The following KDM5A variants were observed in gnomAD, a reference collection of about 807,000 sequenced individuals.
KDM5A encodes lysine demethylase 5A, also known as lysine-specific demethylase 5A.
Under a neutral mutation model 193.5 loss-of-function variants are expected in KDM5A, and 42 were observed. The observed-to-expected ratio is 0.22, with a 90% confidence interval of 0.17 to 0.28. The LOEUF (loss-of-function observed/expected upper bound fraction) is 0.28. Ranked by LOEUF, KDM5A falls within the 10% of genes least tolerant of loss-of-function variation. The probability of loss-of-function intolerance (pLI) is 1.00; values close to 1 mark genes in which losing one functional copy is unlikely to be tolerated. For missense variants in KDM5A, 1,692 were observed against 2,055.1 expected (o/e 0.82, Z 3.42); for synonymous variants, 796 against 718.1 (o/e 1.11, Z -1.73).
intron 1 of KDM5A, 51 bp downstream of exon 1, chr12:388,876 C>G (rs1267696507): frequency 6.3e-7 from 1 of 1,582,158 alleles, no homozygotes; most frequent in Non-Finnish European, 8.7e-7. Context: ...ACCCAGTGTA[C>G]GGACTCCCCC....
intron 3 of KDM5A, among the ~76,000 whole-genome samples, chr12:382,878 GC>G (rs768564563): frequency 4.6e-5 from 7 of 152,026 alleles, no homozygotes; most frequent in Non-Finnish European, 1.0e-4. Context: ...GTTGCAGTGA[GC>G]CAAGATCAGG....
chr12:314,541 G>C (rs544357058), intron 19 of KDM5A, among the ~76,000 whole-genome samples: 1 of 152,288 alleles, frequency 6.6e-6, no homozygotes, highest in East Asian at 1.9e-4. Flanking sequence ...AGGAGTTTAT[G>C]ATGCTCTGTG....
At chr12:322,358 G>T in intron 17 of KDM5A, 59 bp downstream of exon 17, 1 of 1,548,754 alleles carries the variant, frequency 6.5e-7, no homozygotes, top group South Asian at 1.1e-5. Context: ...ATAAAATTTT[G>T]GTTTTTACTC....
In KDM5A at chr12:307,326, G is replaced by T; in HGVS notation, c.3930+128C>A. 9.1e-7 allele frequency: 1 copy of T among 1,094,080 alleles called. No homozygotes were observed. The allele number at this position is 1,094,080 out of a possible 1,614,324, so 67.8% of individuals were successfully genotyped here. A position where few individuals can be genotyped will look rare whatever the true frequency, so the allele number is the denominator to read the frequency against. ...AAGTGCTATAGTGTATGTTGAAGGA[G>T]AATGCAATGGATAATTGCTGACAAG... On this transcript the variant is annotated intron_variant, in intron 23 of 27. Transcript: ENST00000399788. The surrounding 1 kb of genome is among the most constrained non-coding windows in gnomAD (Gnocchi z 4.3).
At chr12:323,397 G>C (rs916773761) in intron 15 of KDM5A, among the ~76,000 whole-genome samples, 191 bp from the exon 16 acceptor site, 2 of 152,094 alleles carry the variant, frequency 1.3e-5, no homozygotes, top group Non-Finnish European at 2.9e-5. Context: ...AGGGAGACAA[G>C]GAACATGTGA....
chr12:313,064 C>T lies in KDM5A; in HGVS notation c.3028G>A (p.Ala1010Thr), dbSNP rs2137396979. 1 of 1,614,168 alleles carries T rather than the reference C, an allele frequency of 6.2e-7. No homozygotes were observed. The highest frequency in any genetic ancestry group is 8.5e-7 in the Non-Finnish European group (1 of 1,179,988). ...KAREWTAKVE[A>T]IQSGSNYAYL... The stretch of plus-strand genomic sequence containing the variant: ...TCCAAAAGTCTTCTTACCTGAATAG[C>T]TTCCACTTTAGCGGTCCATTCTCGA... Residue 1010 changes from alanine to threonine, a missense_variant, in exon 20 of 28, where the codon GCT becomes ACT. Physicochemically the swap from Ala to Thr is moderately conservative, Grantham distance 58. Around this residue, in one of 11 missense-constraint regions of KDM5A, gnomAD observed 965 missense variants for 1,061.0 expected, o/e 0.91. Coordinates refer to ENST00000399788, the MANE Select transcript of KDM5A (RefSeq NM_001042603.3).
rs575892199 is a variant in KDM5A, at chr12:342,725, G to A, written c.1308+7896C>T. On this transcript the variant is annotated intron_variant, in intron 10 of 27. Coordinates refer to ENST00000399788, the MANE Select transcript of KDM5A (RefSeq NM_001042603.3). ...GATTCACCTGCCTCGGCCTCCCAAAGGGCTCGAATTACAGGCATGGGCCAC... is the reference window on the plus strand; with the variant it reads ...GATTCACCTGCCTCGGCCTCCCAAAAGGCTCGAATTACAGGCATGGGCCAC... 7.5e-4 allele frequency among the ~76,000 whole-genome samples: 113 copies of A among 151,342 alleles called. 2 individuals are homozygous for A. The South Asian group carries it at 0.023, about 31-fold the overall frequency.
chr12:286,421 C>T (rs879889723), intron 27 of KDM5A, among the ~76,000 whole-genome samples: 18 of 152,144 alleles, frequency 1.2e-4, no homozygotes, highest in Admixed American at 1.2e-3. Flanking sequence ...AAGCCTTGGA[C>T]TTAAGAGTTA....
At chr12:323,260 C>T in intron 15 of KDM5A, 54 bp from the exon 16 acceptor site, 1 of 1,295,054 alleles carries the variant, frequency 7.7e-7, no homozygotes, top group Non-Finnish European at 9.9e-7. Flanking sequence ...ATAAAAACCT[C>T]AAAAACCAAC....
At chr12:352,431 C>CA in intron 8 of KDM5A, 107 bp from the exon 9 acceptor site, 1 of 996,858 alleles carries the variant, frequency 1.0e-6, no homozygotes, top group East Asian at 2.5e-5. Context: ...TAAAGTAAAT[C>CA]CAGTCAACCC....
At chr12:331,176 G>A (rs530031864) in intron 13 of KDM5A, among the ~76,000 whole-genome samples, 2 of 152,182 alleles carry the variant, frequency 1.3e-5, no homozygotes, top group South Asian at 2.1e-4. Context: ...AAATCACAGA[G>A]CTACGTATTT....
chr12:378,634 T>G (rs1162983199), intron 3 of KDM5A, among the ~76,000 whole-genome samples: 1 of 152,202 alleles, frequency 6.6e-6, no homozygotes, highest in African/African-American at 2.4e-5. Context: ...AGGGCTAGAC[T>G]GAATGCTTCT....
chr12:330,187 A>G (rs1478695528), intron 13 of KDM5A, among the ~76,000 whole-genome samples: 2 of 151,900 alleles, frequency 1.3e-5, no homozygotes, highest in African/African-American at 4.8e-5. Flanking sequence ...TCAGAGCCTC[A>G]ACACAAAAAC....
At chr12:385,189 A>G (rs1409176652) in intron 2 of KDM5A, among the ~76,000 whole-genome samples, 1 of 151,784 alleles carries the variant, frequency 6.6e-6, no homozygotes, top group African/African-American at 2.4e-5. Context: ...TGGAAAAAAA[A>G]AAAAAAAAAA....
chr12:352,252 C>G lies in KDM5A; in HGVS notation c.1102G>C (p.Glu368Gln). The G allele has an allele frequency of 6.2e-7, 1 of 1,612,252 alleles. No individual in the cohort carries two copies. The highest frequency in any genetic ancestry group is 8.5e-7 in the Non-Finnish European group (1 of 1,178,436). Residue 368 changes from glutamate to glutamine, a missense_variant, in exon 9 of 28, where the codon GAG becomes CAG. Physicochemically the swap from Glu to Gln is conservative, Grantham distance 29. Coordinates refer to ENST00000399788, the MANE Select transcript of KDM5A (RefSeq NM_001042603.3). ...TCAGACTTAAAATTATCTGCCATCT[C>G]TCCAAAGCTCTGAAGTGTATACTCT... The part of the protein sequence containing the change: ...VREYTLQSFG[E>Q]MADNFKSDYF...
chr12:316,336 A>C (rs7134353), intron 19 of KDM5A, among the ~76,000 whole-genome samples: 1 of 151,912 alleles, frequency 6.6e-6, no homozygotes, highest in Non-Finnish European at 1.5e-5. Flanking sequence ...GAGATCTTTG[A>C]GTGTCTTGTT....
intron 11 of KDM5A, 82 bp downstream of exon 11, chr12:334,159 C>G: frequency 7.9e-7 from 1 of 1,272,402 alleles, no homozygotes; most frequent in Non-Finnish European, 1.1e-6. Flanking sequence ...TGTCTATAAA[C>G]CTTAAAGATC....
rs1458880761 is a variant in KDM5A at position 310,104 on chromosome 12, T to C, written c.3217-140A>G. 9.1e-6 allele frequency: 7 copies of C among 770,126 alleles called. No homozygotes were observed. The African/African-American group carries it at 1.2e-4, about 14-fold the overall frequency. 47.7% of individuals were successfully genotyped at this position (770,126 alleles called of 1,614,324 possible). On this transcript the variant is annotated intron_variant, in intron 21 of 27. Transcript: ENST00000399788. ...GACTTTATACACATGATCTAATTCA[T>C]TCCTCACAACAACCCTATGTAGTAG...
intron 3 of KDM5A, among the ~76,000 whole-genome samples, chr12:375,404 G>A (rs558470396): frequency 1.4e-4 from 22 of 152,158 alleles, no homozygotes; most frequent in Non-Finnish European, 2.4e-4. Context: ...AGTTGTTCTC[G>A]TGCCATGGTT....
Sources: allele counts gnomAD v4.1 joint callset (sites outside exome capture counted in the v4.1 genomes callset), GRCh38; gene constraint gnomAD v4.1.1; regional missense constraint gnomAD v4.1.1; non-coding constraint Gnocchi (gnomAD v3.1); transcripts MANE v1.5; gene names NCBI Gene and HGNC (gene_info 2026-07-23, HGNC 2026-07-21).